PEBP4: variants seen among roughly 807,000 people sequenced by gnomAD.
The protein encoded by PEBP4 is phosphatidylethanolamine binding protein 4, also known as phosphatidylethanolamine-binding protein 4.
In PEBP4, 22 loss-of-function variants were observed where a neutral mutation model predicts 23.9. That is an observed-to-expected ratio of 0.92 (90% CI 0.66 to 1.31). The LOEUF (loss-of-function observed/expected upper bound fraction) is 1.31, where lower values mean the gene tolerates loss of function less well. Among genes scored for constraint, PEBP4 ranks in the 40% most tolerant of loss-of-function variants. The probability of loss-of-function intolerance (pLI) is 0.00; values close to 1 mark genes in which losing one functional copy is unlikely to be tolerated. For missense variants in PEBP4, 324 were observed against 281.7 expected (o/e 1.15, Z -1.07); for synonymous variants, 112 against 99.3 (o/e 1.13, Z -0.76).
chr8:22,748,184 G>T (rs1805169496), intron 4 of PEBP4, among the ~76,000 whole-genome samples: 1 of 152,188 alleles, frequency 6.6e-6, no homozygotes, highest in Admixed American at 6.5e-5. Context: ...GATCTGGAGA[G>T]AAAAGGGGAG....
At chr8:22,820,295 T>C (rs1430301957) in intron 3 of PEBP4, among the ~76,000 whole-genome samples, 2 of 152,236 alleles carry the variant, frequency 1.3e-5, no homozygotes, top group Non-Finnish European at 2.9e-5. Context: ...GGTTACCAGA[T>C]AGTATTACAT....
intron 4 of PEBP4, among the ~76,000 whole-genome samples, chr8:22,779,306 A>G (rs1465705459): frequency 6.6e-6 from 1 of 152,168 alleles, no homozygotes; most frequent in Admixed American, 6.5e-5. Context: ...CCACAACCCT[A>G]AGACGGCTGT....
At chr8:22,730,270 C>G (rs759925381) in intron 4 of PEBP4, among the ~76,000 whole-genome samples, 1 of 152,268 alleles carries the variant, frequency 6.6e-6, no homozygotes, top group Non-Finnish European at 1.5e-5. Context: ...AGTGCAACAG[C>G]TCACACCTGT....
At chr8:22,815,585 C>T (rs1030606610) in intron 4 of PEBP4, among the ~76,000 whole-genome samples, 14 of 152,198 alleles carry the variant, frequency 9.2e-5, no homozygotes, top group Admixed American at 6.5e-4. Context: ...ATATCGCTGC[C>T]GCTTCCTGCT....
chr8:22,738,336 CA>C (rs1000106210), intron 4 of PEBP4, among the ~76,000 whole-genome samples: 5 of 152,106 alleles, frequency 3.3e-5, no homozygotes, highest in Non-Finnish European at 5.9e-5. Context: ...AGGTGTTGTC[CA>C]GGAGGTGGGG....
chr8:22,777,155 G>A (rs1805829985), intron 4 of PEBP4, among the ~76,000 whole-genome samples: 1 of 152,052 alleles, frequency 6.6e-6, no homozygotes, highest in Non-Finnish European at 1.5e-5. Flanking sequence ...ATGAGGGAGG[G>A]AGGGTGCTGG....
At chr8:22,858,627 A>G (rs971838583) in intron 3 of PEBP4, among the ~76,000 whole-genome samples, 5 of 152,188 alleles carry the variant, frequency 3.3e-5, no homozygotes, top group Non-Finnish European at 5.9e-5. Context: ...TGAGATGACA[A>G]CTGAAGCCTA....
chr8:22,733,495 A>C (rs1216307474), intron 4 of PEBP4, among the ~76,000 whole-genome samples: 1 of 151,968 alleles, frequency 6.6e-6, no homozygotes, highest in African/African-American at 2.4e-5. Context: ...GGTCTGACTC[A>C]CTGCTGGTCC....
chr8:22,802,021 G>A (rs1258724673), intron 4 of PEBP4, among the ~76,000 whole-genome samples: 1 of 152,114 alleles, frequency 6.6e-6, no homozygotes, highest in Non-Finnish European at 1.5e-5. Context: ...GCAGCCCAGG[G>A]AGCTCTGGGC....
chr8:22,844,504 G>C (rs149225452), intron 3 of PEBP4, among the ~76,000 whole-genome samples: 1 of 152,192 alleles, frequency 6.6e-6, no homozygotes, highest in Non-Finnish European at 1.5e-5. Context: ...CTCCCAAAGT[G>C]CTGGGATTAC....
chr8:22,799,282 C>T (rs1336868666), intron 4 of PEBP4, among the ~76,000 whole-genome samples: 1 of 152,194 alleles, frequency 6.6e-6, no homozygotes. Flanking sequence ...GCCAAAAGTC[C>T]AGTGTTGTTT....
At chr8:22,815,753 T>C (rs1408000714) in intron 4 of PEBP4, among the ~76,000 whole-genome samples, 2 of 152,230 alleles carry the variant, frequency 1.3e-5, no homozygotes, top group African/African-American at 4.8e-5. Flanking sequence ...TGCCACCTGT[T>C]CTACTTCTAA....
chr8:22,878,529 T>C (rs778119032), intron 3 of PEBP4, among the ~76,000 whole-genome samples: 1 of 152,194 alleles, frequency 6.6e-6, no homozygotes, highest in Non-Finnish European at 1.5e-5. Context: ...GCCTGTGAGT[T>C]ACCCTATTGC....
At chr8:22,812,419 C>T (rs1320147434) in intron 4 of PEBP4, among the ~76,000 whole-genome samples, 18 of 152,236 alleles carry the variant, frequency 1.2e-4, no homozygotes, top group Admixed American at 1.1e-3. Flanking sequence ...ACATACAAGT[C>T]TGGTTAATAA....
At chr8:22,810,685 T>TGC (rs1234857853) in intron 4 of PEBP4, among the ~76,000 whole-genome samples, 1 of 148,776 alleles carries the variant, frequency 6.7e-6, no homozygotes, top group Non-Finnish European at 1.5e-5. Context: ...TGTGTGTGTG[T>TGC]GTGTGTGTGT....
At chr8:22,823,513 C>G (rs1284995777) in intron 3 of PEBP4, among the ~76,000 whole-genome samples, 5 of 151,558 alleles carry the variant, frequency 3.3e-5, no homozygotes, top group African/African-American at 1.2e-4. Flanking sequence ...CATGATGTCT[C>G]AAATGTGCAG....
intron 3 of PEBP4, chr8:22,885,099 A>T (rs1257156413): frequency 6.6e-6 from 1 of 152,186 alleles, no homozygotes; most frequent in Non-Finnish European, 1.5e-5. Context: ...CATTCAATGC[A>T]ATGCAAGGAG....
chr8:22,782,833 T>C (rs1805954759), intron 4 of PEBP4, among the ~76,000 whole-genome samples: 1 of 152,190 alleles, frequency 6.6e-6, no homozygotes, highest in African/African-American at 2.4e-5. Flanking sequence ...ACAGCCCACA[T>C]ACACATCACA....
chr8:22,840,149 T>C (rs946818127), intron 3 of PEBP4, among the ~76,000 whole-genome samples: 17 of 152,234 alleles, frequency 1.1e-4, no homozygotes, highest in South Asian at 2.1e-4. Context: ...AGATGAATTA[T>C]ATCTAACCGT....
Sources: allele counts gnomAD v4.1 joint callset (sites outside exome capture counted in the v4.1 genomes callset), GRCh38; gene constraint gnomAD v4.1.1; transcripts MANE v1.5; gene names NCBI Gene and HGNC (gene_info 2026-07-23, HGNC 2026-07-21).